Variants in CASD1 observed in about 807,000 individuals in gnomAD.
The protein encoded by CASD1 is CAS1 domain sialic acid O acetyltransferase 1.
A neutral mutation model predicts 100.0 loss-of-function variants in CASD1; 41 were observed. The ratio of observed to expected loss-of-function variants is 0.41; its 90% CI spans 0.32 to 0.53. The LOEUF (loss-of-function observed/expected upper bound fraction) is 0.53. Ranked by LOEUF, CASD1 falls within the 20% of genes least tolerant of loss-of-function variation. CASD1 has a pLI of 0.25. For missense variants in CASD1, 774 were observed against 948.7 expected (o/e 0.82, Z 2.42); for synonymous variants, 321 against 315.6 (o/e 1.02, Z -0.18).
downstream of CASD1, among the ~76,000 whole-genome samples, chr7:94,560,134 CAG>C (rs1796316988): frequency 6.6e-6 from 1 of 152,142 alleles, no homozygotes; most frequent in African/African-American, 2.4e-5. Flanking sequence ...TAACAAGTCA[CAG>C]GGTCAAAGTC....
At position 94,516,915 on chromosome 7, in the gene CASD1, T is replaced by TA. The variant is rs1794004779; in HGVS notation, c.134-645_134-644insA. 2.0e-5 allele frequency among the ~76,000 whole-genome samples: 3 copies of TA among 151,458 alleles called. No homozygotes were observed. In the East Asian group the frequency reaches 5.8e-4, roughly 29 times the overall value. On this transcript the variant is annotated intron_variant, in intron 1 of 17. Coordinates refer to ENST00000297273, the MANE Select transcript of CASD1 (RefSeq NM_022900.5). ...TATCCCTTAAACTTTTTTTTTTTTT[T>TA]TAAAATGAGGCAGAGTCTAGCTCTG...
chr7:94,560,245 T>C (rs1796318717), downstream of CASD1, among the ~76,000 whole-genome samples: 1 of 152,198 alleles, frequency 6.6e-6, no homozygotes. Context: ...GTGTTTTTCT[T>C]AGGTTAGTCA....
At chr7:94,577,039 G>T in the CASD1 span, among the ~76,000 whole-genome samples, 1 of 152,004 alleles carries the variant, frequency 6.6e-6, no homozygotes, top group Non-Finnish European at 1.5e-5. Context: ...TGGGATATTA[G>T]TCTCATACTT....
In CASD1 at chr7:94,545,482, C is replaced by T. The variant is rs1795629789; in HGVS notation, c.1477-63C>T. On this transcript the variant is annotated intron_variant, in intron 11 of 17. Coordinates refer to ENST00000297273, the MANE Select transcript of CASD1 (RefSeq NM_022900.5). ...TCAGAGAAAATCTGCCTTTGCTGTTCGTGTGTACCTAGAATGAAAACAATT... is the reference window on the plus strand; with the variant it reads ...TCAGAGAAAATCTGCCTTTGCTGTTTGTGTGTACCTAGAATGAAAACAATT... 1.9e-5 allele frequency: 24 copies of T among 1,292,606 alleles called. No individual in the cohort carries two copies. In the South Asian group the frequency reaches 3.2e-4, roughly 17 times the overall value. The allele number at this position is 1,292,606 out of a possible 1,614,324, so 80.1% of individuals were successfully genotyped here. A position where few individuals can be genotyped will look rare whatever the true frequency, so the allele number is the denominator to read the frequency against.
chr7:94,574,109 G>A, the CASD1 span, among the ~76,000 whole-genome samples: 2 of 152,120 alleles, frequency 1.3e-5, no homozygotes. Context: ...GCTTTTTGAT[G>A]TGCGCTGGAT....
chr7:94,589,819 G>A, the CASD1 span: 1 of 181,878 alleles, frequency 5.5e-6, no homozygotes, highest in African/African-American at 2.4e-5. Context: ...TCTACATTAT[G>A]GTGAGTTATA....
At chr7:94,567,029 A>C in the CASD1 span, among the ~76,000 whole-genome samples, 1 of 151,938 alleles carries the variant, frequency 6.6e-6, no homozygotes, top group Admixed American at 6.6e-5. Context: ...CAGAATGGCT[A>C]TACTCCAGAT....
At chr7:94,593,005 C>T in the CASD1 span, among the ~76,000 whole-genome samples, 1 of 152,060 alleles carries the variant, frequency 6.6e-6, no homozygotes, top group Admixed American at 6.6e-5. Flanking sequence ...CAACAGGACA[C>T]CATAATCTTA....
intron 1 of CASD1, among the ~76,000 whole-genome samples, chr7:94,517,339 G>C (rs1406185895): frequency 6.6e-6 from 1 of 152,180 alleles, no homozygotes; most frequent in African/African-American, 2.4e-5. Context: ...GTATCATTAG[G>C]AGTTAGGTGA....
chr7:94,616,735 C>T, the CASD1 span: 1 of 152,002 alleles, frequency 6.6e-6, no homozygotes, highest in Non-Finnish European at 1.5e-5. Context: ...CATGCAAAAT[C>T]ATTTGCAGCG....
chr7:94,575,923 G>C, the CASD1 span, among the ~76,000 whole-genome samples: 1 of 152,076 alleles, frequency 6.6e-6, no homozygotes, highest in African/African-American at 2.4e-5. Context: ...CTTTGTCTTT[G>C]TCTTTCAATA....
intron 10 of CASD1, among the ~76,000 whole-genome samples, chr7:94,543,058 A>G (rs1795493610): frequency 6.6e-6 from 1 of 152,186 alleles, no homozygotes; most frequent in Non-Finnish European, 1.5e-5. Context: ...TGAATAAGCA[A>G]AATGCTTAGG....
chr7:94,593,017 T>C, the CASD1 span, among the ~76,000 whole-genome samples: 1 of 152,110 alleles, frequency 6.6e-6, no homozygotes, highest in Non-Finnish European at 1.5e-5. Context: ...ATAATCTTAG[T>C]CCCCTGAAAC....
chr7:94,530,194 T>A (rs1285235601), intron 5 of CASD1, among the ~76,000 whole-genome samples: 1 of 152,188 alleles, frequency 6.6e-6, no homozygotes, highest in Admixed American at 6.5e-5. Flanking sequence ...AAAATTAGTT[T>A]TCAGATAAAG....
chr7:94,619,245 C>T, the CASD1 span: 5 of 273,244 alleles, frequency 1.8e-5, no homozygotes, highest in East Asian at 3.3e-4. Context: ...AAAGCTAAAT[C>T]TACATTTTAA....
At chr7:94,511,217 T>C (rs1793691264) in intron 1 of CASD1, among the ~76,000 whole-genome samples, 2 of 152,226 alleles carry the variant, frequency 1.3e-5, no homozygotes, top group Admixed American at 6.5e-5. Flanking sequence ...CAGCTCTTGG[T>C]GACTGTGAGA....
At chr7:94,633,158 A>G in the CASD1 span, among the ~76,000 whole-genome samples, 3 of 152,020 alleles carry the variant, frequency 2.0e-5, no homozygotes, top group African/African-American at 7.2e-5. Context: ...CTGCAAATCC[A>G]TTACCTCTGC....
intron 3 of CASD1, among the ~76,000 whole-genome samples, chr7:94,519,491 T>G (rs1014633276): frequency 1.3e-5 from 2 of 152,322 alleles, no homozygotes; most frequent in African/African-American, 4.8e-5. Flanking sequence ...TTAGCAACTA[T>G]TCCATGTGAG....
At chr7:94,623,645 A>AG in the CASD1 span, 4 of 494,294 alleles carry the variant, frequency 8.1e-6, no homozygotes, top group South Asian at 1.6e-4. Flanking sequence ...ACTCTTTCAT[A>AG]GAAGGCCATT....
Sources: gnomAD v4.1 joint callset for allele counts (sites outside exome capture counted in the v4.1 genomes callset) on GRCh38, gnomAD v4.1.1 for gene constraint, MANE v1.5 for transcripts, NCBI Gene and HGNC (gene_info 2026-07-23, HGNC 2026-07-21) for gene names.